Variants in COL10A1 observed in about 807,000 individuals in gnomAD.
COL10A1 encodes the protein collagen type X alpha 1 chain.
COL10A1 carries 10 observed loss-of-function variants against 18.2 expected under a neutral mutation model. The ratio of observed to expected loss-of-function variants is 0.55; its 90% CI spans 0.34 to 0.93. The LOEUF is 0.93. COL10A1 is among the 40% of genes least tolerant of loss of function. The probability of loss-of-function intolerance (pLI) is 0.02; values close to 1 mark genes in which losing one functional copy is unlikely to be tolerated. For synonymous variants in COL10A1, 330 were observed against 316.6 expected, an observed-to-expected ratio of 1.04 and a Z score of -0.45; for missense variants, 897 against 853.5, an observed-to-expected ratio of 1.05 and a Z score of -0.64.
chr6:116,151,612 G>T (rs1780040635), intron 1 of COL10A1, among the ~76,000 whole-genome samples: 1 of 152,164 alleles, frequency 6.6e-6, no homozygotes, highest in African/African-American at 2.4e-5. Flanking sequence ...CGAGAATGCA[G>T]TACATGCAAA....
intron 1 of COL10A1, among the ~76,000 whole-genome samples, chr6:116,149,357 T>A (rs1779976459): frequency 6.6e-6 from 1 of 152,216 alleles, no homozygotes; most frequent in African/African-American, 2.4e-5. Context: ...ATTCTTCCAG[T>A]ACGTATGACA....
rs1779086369 is a variant in COL10A1, at chr6:116,120,625, T to C, written c.1491A>G (p.Pro497=). ...GACCAGGCTCTCCAGAGTGGCCTCT[T>C]GGACCTGGAGGCCCTGGTGGCCCGG... ...GPTGPPGPPG[P]RGHSGEPGLP... Residue 497 remains proline, a synonymous_variant, in exon 3 of 3, where the codon CCA becomes CCG. Coordinates refer to ENST00000651968, the MANE Select transcript of COL10A1 (RefSeq NM_000493.4). 6.4e-7 allele frequency: 1 copy of C among 1,559,132 alleles called. No homozygotes were observed. Among genetic ancestry groups the C allele is most frequent in the East Asian group, 2.2e-5 (1 of 44,562 alleles).
chr6:116,125,301 C>G (rs774301704), intron 2 of COL10A1, 38 bp downstream of exon 2: 35 of 1,598,222 alleles, frequency 2.2e-5, no homozygotes, highest in Non-Finnish European at 2.8e-5. Flanking sequence ...AAGCAACAAG[C>G]AACTTGTTAA....
chr6:116,123,437 ACTTC>A lies in COL10A1; in HGVS notation c.155-1480_155-1477del, dbSNP rs528949014. The stretch of plus-strand genomic sequence containing the variant: ...GCACAATCCTCAAGGTAAAACGACT[ACTTC>A]CTTCTATTAAGTTTTTTAAATGCCA... On this transcript the variant is annotated intron_variant, in intron 2 of 2. Transcript: ENST00000651968. Among the ~76,000 whole-genome samples the A allele has an allele frequency of 3.0e-3, 464 of 152,310 alleles. 2 individuals carry two copies. Among genetic ancestry groups the A allele is most frequent in the Non-Finnish European group, 4.8e-3 (326 of 68,026 alleles).
rs1013347755 is a variant in COL10A1, at chr6:116,121,152, T to C, written c.964A>G (p.Lys322Glu). Residue 322 changes from lysine (K) to glutamate (E), a missense_variant, in exon 3 of 3, where the codon AAA becomes GAA. By Grantham distance (56) the Lys-to-Glu change is moderately conservative. Coordinates refer to ENST00000651968, the MANE Select transcript of COL10A1 (RefSeq NM_000493.4). The stretch of plus-strand genomic sequence containing the variant: ...AGACCTGCTGGCCCTTGTTCCCCTT[T>C]GGCACCTGGACCCCCAGGAAGGCCA... Reference protein sequence around the residue: ...PAGLPGGPGAKGEQGPAGLPG... With the variant: ...PAGLPGGPGAEGEQGPAGLPG... The C allele has an allele frequency of 6.2e-7, 1 of 1,613,218 alleles. No homozygotes were observed. Among genetic ancestry groups the C allele is most frequent in the African/African-American group, 1.3e-5 (1 of 74,974 alleles).
chr6:116,162,271 T>C (rs1780353985), upstream of COL10A1, among the ~76,000 whole-genome samples: 2 of 152,210 alleles, frequency 1.3e-5, no homozygotes, highest in Admixed American at 1.3e-4. Flanking sequence ...CTTTAATTTC[T>C]TTCTCCTGCC....
At chr6:116,191,100 T>C in the COL10A1 span, among the ~76,000 whole-genome samples, 23 of 151,988 alleles carry the variant, frequency 1.5e-4, no homozygotes, top group Non-Finnish European at 5.9e-5. Context: ...CTGAGTTAAA[T>C]GCAAATATCT....
chr6:116,125,134 A>G (rs1178668785), intron 2 of COL10A1, among the ~76,000 whole-genome samples: 1 of 152,238 alleles, frequency 6.6e-6, no homozygotes, highest in South Asian at 2.1e-4. Flanking sequence ...TCTTTCAACT[A>G]TATTTTCAAG....
At chr6:116,131,330 T>G (rs999546290) in intron 1 of COL10A1, among the ~76,000 whole-genome samples, 4 of 152,220 alleles carry the variant, frequency 2.6e-5, no homozygotes, top group African/African-American at 9.6e-5. Context: ...ACCCTGTGTT[T>G]CACCTTCCTT....
the COL10A1 span, among the ~76,000 whole-genome samples, chr6:116,203,147 G>A: frequency 6.6e-6 from 1 of 151,890 alleles, no homozygotes. Context: ...TTACCAAGTG[G>A]TTGCTTTTCT....
chr6:116,165,612 GAGC>G, the COL10A1 span, among the ~76,000 whole-genome samples: 1 of 152,210 alleles, frequency 6.6e-6, no homozygotes. Context: ...TGGACTGAGG[GAGC>G]AGGAGATGAC....
chr6:116,125,554 A>T, intron 1 of COL10A1, 47 bp from the exon 2 acceptor site: 1 of 1,551,778 alleles, frequency 6.4e-7, no homozygotes, highest in South Asian at 1.1e-5. Flanking sequence ...TTATTAACCT[A>T]TTTTTTTATT....
intron 1 of COL10A1, among the ~76,000 whole-genome samples, chr6:116,132,461 A>ATTTGC (rs1554194318): frequency 6.6e-6 from 1 of 150,474 alleles, no homozygotes; most frequent in Non-Finnish European, 1.5e-5. Context: ...TGTCTTTTTA[A>ATTTGC]TTTGCTTATG....
chr6:116,132,475 T>C (rs1021331974), intron 1 of COL10A1, among the ~76,000 whole-genome samples: 2 of 151,414 alleles, frequency 1.3e-5, no homozygotes, highest in South Asian at 2.1e-4. Flanking sequence ...GCTTATGAGT[T>C]TTTTTTTTCA....
the COL10A1 span, among the ~76,000 whole-genome samples, chr6:116,182,432 T>A: frequency 6.6e-6 from 1 of 152,062 alleles, no homozygotes; most frequent in African/African-American, 2.4e-5. Context: ...AAATGGTAGA[T>A]CTACTTTTAA....
the COL10A1 span, among the ~76,000 whole-genome samples, chr6:116,167,671 A>T: frequency 6.6e-6 from 1 of 151,938 alleles, no homozygotes; most frequent in Non-Finnish European, 1.5e-5. Flanking sequence ...AATTTGTTTG[A>T]ATTGTTCATA....
At chr6:116,140,482 G>C (rs1177290603) in intron 1 of COL10A1, among the ~76,000 whole-genome samples, 1 of 151,976 alleles carries the variant, frequency 6.6e-6, no homozygotes, top group Non-Finnish European at 1.5e-5. Flanking sequence ...ATTCTTTTAT[G>C]CTAAAGGTGA....
the COL10A1 span, among the ~76,000 whole-genome samples, chr6:116,164,864 A>G: frequency 6.6e-6 from 1 of 152,118 alleles, no homozygotes; most frequent in South Asian, 2.1e-4. Context: ...CAGGCAGATC[A>G]TAAGGTCAGG....
rs2228548 is a variant in COL10A1 at position 116,120,307 on chromosome 6, C to G, written c.1809G>C (p.Val603=). The part of the protein sequence containing the change: ...IPGIYYFSYH[V]HVKGTHVWVG... ...CCCAAACATGAGTCCCTTTCACATG[C>G]ACGTGGTATGAAAAATAGTATATTC... The change falls in exon 3 of 3, where the codon GTG becomes GTC. Residue 603 remains valine (V), a synonymous_variant. Coordinates refer to ENST00000651968, the MANE Select transcript of COL10A1 (RefSeq NM_000493.4). The G allele has an allele frequency of 0.055, 88,077 of 1,614,142 alleles. 2,694 individuals are homozygous for G. The highest frequency in any genetic ancestry group is 0.065 in the Middle Eastern group (397 of 6,062).
Sources: gnomAD v4.1 joint callset for allele counts (sites outside exome capture counted in the v4.1 genomes callset) on GRCh38, gnomAD v4.1.1 for gene constraint, MANE v1.5 for transcripts, NCBI Gene and HGNC (gene_info 2026-07-23, HGNC 2026-07-21) for gene names.